SEPTIN11: variants seen among roughly 807,000 people sequenced by gnomAD.
SEPTIN11 encodes the protein septin-11.
Under a neutral mutation model 51.4 loss-of-function variants are expected in SEPTIN11, and 25 were observed. The observed-to-expected ratio is 0.49, with a 90% CI of 0.35 to 0.68. SEPTIN11 has a LOEUF of 0.68. Among genes scored for constraint, SEPTIN11 ranks in the 30% least tolerant of loss-of-function variants. The probability of loss-of-function intolerance (pLI) is 0.00; values close to 1 mark genes in which losing one functional copy is unlikely to be tolerated. For missense variants in SEPTIN11, 381 were observed against 520.8 expected, an observed-to-expected ratio of 0.73 and a Z score of 2.61; for synonymous variants, 174 against 184.1, an observed-to-expected ratio of 0.95 and a Z score of 0.44.
chr4:76,978,026 T>G lies in SEPTIN11; in HGVS notation c.28-18399T>G, dbSNP rs12644892. 3.0e-4 allele frequency among the ~76,000 whole-genome samples: 45 copies of G among 152,350 alleles called. No individual in the cohort carries two copies. The East Asian group carries it at 8.7e-3, about 29-fold the overall frequency. ...CTTCTATGTAAGCTTTGGTTGATTTTTCTCTGCAACTAATTCTTACAGCTT... is the reference window on the plus strand; with the variant it reads ...CTTCTATGTAAGCTTTGGTTGATTTGTCTCTGCAACTAATTCTTACAGCTT... On this transcript the variant is annotated intron_variant, in intron 1 of 9. Coordinates refer to ENST00000264893, the MANE Select transcript of SEPTIN11 (RefSeq NM_018243.4).
At chr4:77,016,316 G>A (rs768215546) in intron 5 of SEPTIN11, among the ~76,000 whole-genome samples, 1 of 151,496 alleles carries the variant, frequency 6.6e-6, no homozygotes, top group Non-Finnish European at 1.5e-5. Flanking sequence ...AGTGGAGGTA[G>A]AATTGGAACC....
In SEPTIN11 at chr4:77,035,617, G is replaced by T. The variant is rs866930635; in HGVS notation, c.*1105G>T. On this transcript the variant is annotated 3_prime_UTR_variant, in exon 10 of 10. Coordinates refer to ENST00000264893, the MANE Select transcript of SEPTIN11 (RefSeq NM_018243.4). ...ATTTCATATCCAGCTTCCTTGCTTAGTCTCCTTTCAGTATTTGGCAATAAA... is the reference window on the plus strand; with the variant it reads ...ATTTCATATCCAGCTTCCTTGCTTATTCTCCTTTCAGTATTTGGCAATAAA... 4 of 985,474 alleles carry T rather than the reference G, an allele frequency of 4.1e-6. No individual in the cohort carries two copies. The highest frequency in any genetic ancestry group is 4.8e-6 in the Non-Finnish European group (4 of 829,932). The allele number at this position is 985,474 out of a possible 1,614,324, so 61.0% of individuals were successfully genotyped here. A position where few individuals can be genotyped will look rare whatever the true frequency, so the allele number is the denominator to read the frequency against.
At chr4:77,003,109 GT>G (rs1168614729) in intron 2 of SEPTIN11, among the ~76,000 whole-genome samples, 1 of 152,062 alleles carries the variant, frequency 6.6e-6, no homozygotes, top group South Asian at 2.1e-4. Context: ...TTTGTATATT[GT>G]TTCTTTTTCA....
intron 5 of SEPTIN11, 61 bp from the exon 6 acceptor site, chr4:77,019,103 TG>T: frequency 6.8e-7 from 1 of 1,470,648 alleles, no homozygotes; most frequent in Non-Finnish European, 9.3e-7. Flanking sequence ...AGATAGAGAC[TG>T]GTGGAAACCA....
chr4:77,019,366 T>C (rs1377649743), intron 6 of SEPTIN11, 105 bp downstream of exon 6: 4 of 905,276 alleles, frequency 4.4e-6, no homozygotes, highest in Non-Finnish European at 6.5e-6. Flanking sequence ...AACAGTGGGC[T>C]GGCAGTGGGA....
rs912184295 is a variant in SEPTIN11 at position 77,029,263 on chromosome 4, C to G, written c.1086+502C>G. On this transcript the variant is annotated intron_variant, in intron 8 of 9. Coordinates refer to ENST00000264893, the MANE Select transcript of SEPTIN11 (RefSeq NM_018243.4). Reference sequence around the variant, plus strand: ...TGCTTCAGCCTTACCTTAGTCCCCTCCCCTGGCCAGATTAACTGCTTCCTA... The same window carrying G: ...TGCTTCAGCCTTACCTTAGTCCCCTGCCCTGGCCAGATTAACTGCTTCCTA... 1.1e-3 allele frequency among the ~76,000 whole-genome samples: 168 copies of G among 152,138 alleles called. 2 individuals are homozygous for G. The highest frequency in any genetic ancestry group is 1.2e-4 in the Non-Finnish European group (8 of 68,028).
At chr4:76,995,668 TG>T in intron 1 of SEPTIN11, 1 of 920,228 alleles carries the variant, frequency 1.1e-6, no homozygotes, top group Non-Finnish European at 1.5e-6. Flanking sequence ...TTCAAAGTTG[TG>T]GGGGCAGCCA....
intron 7 of SEPTIN11, among the ~76,000 whole-genome samples, chr4:77,021,979 G>A (rs1016032359): frequency 5.9e-5 from 9 of 152,290 alleles, no homozygotes; most frequent in Non-Finnish European, 1.3e-4. Context: ...CTGCCCTGAC[G>A]GCTTGCAAAA....
chr4:76,959,472 A>G (rs1015594310), intron 1 of SEPTIN11, among the ~76,000 whole-genome samples: 1 of 152,020 alleles, frequency 6.6e-6, no homozygotes. Context: ...AGACTTTTCT[A>G]TAATTTTCAT....
intron 5 of SEPTIN11, among the ~76,000 whole-genome samples, chr4:77,018,266 C>T (rs182195018): frequency 6.4e-4 from 97 of 152,132 alleles, no homozygotes; most frequent in East Asian, 5.2e-3. Context: ...CTGGCTAACA[C>T]GGTGAAACCC....
chr4:76,980,701 T>C (rs1722729843), intron 1 of SEPTIN11, among the ~76,000 whole-genome samples: 1 of 152,212 alleles, frequency 6.6e-6, no homozygotes, highest in South Asian at 2.1e-4. Context: ...TCATCACTTA[T>C]TTCCCTTAGC....
At chr4:77,009,326 A>C (rs1724701246) in intron 3 of SEPTIN11, among the ~76,000 whole-genome samples, 1 of 152,220 alleles carries the variant, frequency 6.6e-6, no homozygotes, top group African/African-American at 2.4e-5. Flanking sequence ...AGTTTTGGAC[A>C]TATTTAGTTG....
Position 77,016,633 on chromosome 4 carries a change from C to CACACATATAT in SEPTIN11, c.687+1617_687+1618insCACATATATA, listed in dbSNP as rs1375044162. Among the ~76,000 whole-genome samples, 103 of 72,746 alleles carry CACACATATAT rather than the reference C, an allele frequency of 1.4e-3. 5 individuals are homozygous for CACACATATAT. Among genetic ancestry groups the CACACATATAT allele is most frequent in the African/African-American group, 2.9e-3 (55 of 19,080 alleles). 47.7% of individuals were successfully genotyped at this position (72,746 alleles called of 152,430 possible). ...ATATACACATATATATATATATACACATATATATATATATATATATATACA... is the reference window on the plus strand; with the variant it reads ...ATATACACATATATATATATATACACACACATATATATATATATATATATATATATATACA... On this transcript the variant is annotated intron_variant, in intron 5 of 9. Transcript: ENST00000264893.
chr4:76,976,251 T>C (rs1281493813), intron 1 of SEPTIN11, among the ~76,000 whole-genome samples: 1 of 152,232 alleles, frequency 6.6e-6, no homozygotes, highest in African/African-American at 2.4e-5. Flanking sequence ...CTTGCATCTT[T>C]CTAGGACCAG....
At chr4:76,977,109 T>C (rs1215822222) in intron 1 of SEPTIN11, among the ~76,000 whole-genome samples, 1 of 152,158 alleles carries the variant, frequency 6.6e-6, no homozygotes, top group Non-Finnish European at 1.5e-5. Context: ...TAAACCATAG[T>C]AAAAAGCTCA....
chr4:77,005,726 A>G lies in SEPTIN11; in HGVS notation c.268A>G (p.Ser90Gly), dbSNP rs1259870648. The G allele has an allele frequency of 2.6e-5, 42 of 1,613,972 alleles. No individual in the cohort carries two copies. Among genetic ancestry groups the G allele is most frequent in the Non-Finnish European group, 3.4e-5 (40 of 1,179,970 alleles). Residue 90 changes from serine to glycine, a missense_variant, in exon 3 of 10, where the codon AGC becomes GGC. Transcript: ENST00000264893. The stretch of plus-strand genomic sequence containing the variant: ...AGCCAGAAGTTATGAGCTTCAGGAA[A>G]GCAATGTACGGCTGAAGTTAACCAT... ...LKARSYELQE[S>G]NVRLKLTIVD...
chr4:76,958,765 G>T, intron 1 of SEPTIN11: 1 of 727,694 alleles, frequency 1.4e-6, no homozygotes, highest in Non-Finnish European at 2.2e-6. Context: ...TGGCAATTAG[G>T]TTTATAATCT....
chr4:77,035,201 A>G lies in SEPTIN11; in HGVS notation c.*689A>G. On this transcript the variant is annotated 3_prime_UTR_variant, in exon 10 of 10. Coordinates refer to ENST00000264893, the MANE Select transcript of SEPTIN11 (RefSeq NM_018243.4). ...AGTAGACTGGTATGAGAAAACTATG[A>G]TTAGTTCACATTTACTGGTGCATCC... 3.0e-6 allele frequency: 3 copies of G among 985,428 alleles called. No individual in the cohort carries two copies. Among genetic ancestry groups the G allele is most frequent in the Non-Finnish European group, 3.6e-6 (3 of 829,928 alleles). 61.0% of individuals were successfully genotyped at this position (985,428 alleles called of 1,614,324 possible). A position where few individuals can be genotyped will look rare whatever the true frequency, so the allele number is the denominator to read the frequency against.
chr4:77,014,924 T>A lies in SEPTIN11; in HGVS notation c.594T>A (p.Ser198Arg), dbSNP rs759580405. The A allele has an allele frequency of 1.2e-6, 2 of 1,613,998 alleles. No individual in the cohort carries two copies. The highest frequency in any genetic ancestry group is 2.2e-5 in the South Asian group (2 of 91,074). The change falls in exon 5 of 10, where the codon AGT becomes AGA. Residue 198 changes from serine (S) to arginine (R), a missense_variant. By Grantham distance (110) the Ser-to-Arg change is moderately radical. Coordinates refer to ENST00000264893, the MANE Select transcript of SEPTIN11 (RefSeq NM_018243.4). The stretch of plus-strand genomic sequence containing the variant: ...AGAATGAACTGCACAAATTCAAGAG[T>A]AAGATCATGAGTGAACTGGTCAGCA... ...IAKNELHKFK[S>R]KIMSELVSNG... is the part of the protein sequence containing the mutation.
Sources: gnomAD v4.1 joint callset for allele counts (sites outside exome capture counted in the v4.1 genomes callset) on GRCh38, gnomAD v4.1.1 for gene constraint, MANE v1.5 for transcripts, NCBI Gene and HGNC (gene_info 2026-07-23, HGNC 2026-07-21) for gene names.